The following STARD13 variants were observed in gnomAD, a reference collection of about 807,000 sequenced individuals.
STARD13 encodes the protein stAR-related lipid transfer protein 13.
STARD13 carries 62 observed loss-of-function variants against 106.4 expected under a neutral mutation model. The ratio of observed to expected loss-of-function variants is 0.58; its 90% CI spans 0.48 to 0.72. The LOEUF is 0.72. STARD13 is among the 30% of genes least tolerant of loss of function. STARD13 has a pLI of 0.00. For synonymous variants in STARD13, 565 were observed against 553.0 expected, an observed-to-expected ratio of 1.02 and a Z score of -0.31; for missense variants, 1,387 against 1,424.0, an observed-to-expected ratio of 0.97 and a Z score of 0.42.
chr13:33,371,288 C>G, the STARD13 span, among the ~76,000 whole-genome samples: 1 of 152,146 alleles, frequency 6.6e-6, no homozygotes, highest in Non-Finnish European at 1.5e-5. Flanking sequence ...TTCTGAAAAA[C>G]CACTGAGAAA....
chr13:33,353,591 C>T (rs2078099972), upstream of STARD13, among the ~76,000 whole-genome samples: 1 of 152,216 alleles, frequency 6.6e-6, no homozygotes, highest in South Asian at 2.1e-4. Flanking sequence ...TTCTGCCTCT[C>T]AGTAGTACCT....
chr13:33,640,253 C>T, the STARD13 span, among the ~76,000 whole-genome samples: 4 of 152,092 alleles, frequency 2.6e-5, no homozygotes, highest in Admixed American at 6.5e-5. Context: ...TGCAAGCTGC[C>T]CATATCTTTG....
chr13:33,132,789 G>A (rs17644137), intron 4 of STARD13, among the ~76,000 whole-genome samples: 1 of 152,148 alleles, frequency 6.6e-6, no homozygotes, highest in Admixed American at 6.5e-5. Flanking sequence ...TCTGATGAAA[G>A]AGTTTAGAAA....
At chr13:33,617,600 A>G in the STARD13 span, among the ~76,000 whole-genome samples, 2 of 152,182 alleles carry the variant, frequency 1.3e-5, no homozygotes, top group African/African-American at 4.8e-5. Flanking sequence ...CTTTAACCCA[A>G]CTGATTAGTA....
intron 1 of STARD13, among the ~76,000 whole-genome samples, chr13:33,247,107 G>T (rs1043989911): frequency 6.6e-6 from 1 of 152,114 alleles, no homozygotes; most frequent in Non-Finnish European, 1.5e-5. Context: ...TGAGGCAGGA[G>T]AATGGCTTGA....
At chr13:33,425,455 G>T in the STARD13 span, among the ~76,000 whole-genome samples, 1 of 152,112 alleles carries the variant, frequency 6.6e-6, no homozygotes, top group Non-Finnish European at 1.5e-5. Context: ...CTAAGCCAAT[G>T]GTTCTCAAGG....
chr13:33,160,981 G>C (rs1882554434), intron 3 of STARD13, among the ~76,000 whole-genome samples: 1 of 152,176 alleles, frequency 6.6e-6, no homozygotes, highest in Admixed American at 6.5e-5. Flanking sequence ...TGTTTAGAGT[G>C]GGTTTATAAT....
At chr13:33,634,372 A>G in the STARD13 span, among the ~76,000 whole-genome samples, 1 of 152,208 alleles carries the variant, frequency 6.6e-6, no homozygotes, top group African/African-American at 2.4e-5. Flanking sequence ...TGTTCAGTAA[A>G]TGCATAGAAT....
chr13:33,168,935 TAAATCCAAGGAAACAG>T (rs1437807214), intron 1 of STARD13, among the ~76,000 whole-genome samples: 4 of 152,226 alleles, frequency 2.6e-5, no homozygotes, highest in African/African-American at 9.6e-5. Flanking sequence ...ACTTTGTCAT[TAAATCCAAGGAAACAG>T]AGCCTGTGGT....
chr13:33,555,253 T>G, the STARD13 span, among the ~76,000 whole-genome samples: 1 of 152,258 alleles, frequency 6.6e-6, no homozygotes, highest in South Asian at 2.1e-4. Flanking sequence ...TCTCTTAGCC[T>G]AGCATCAAAT....
intron 1 of STARD13, among the ~76,000 whole-genome samples, chr13:33,200,760 G>T (rs886871208): frequency 1.3e-5 from 2 of 152,142 alleles, no homozygotes; most frequent in African/African-American, 4.8e-5. Context: ...GGTGGCTCAC[G>T]CCTGTAATCC....
the STARD13 span, among the ~76,000 whole-genome samples, chr13:33,580,346 C>G: frequency 1.3e-5 from 2 of 152,110 alleles, no homozygotes; most frequent in Admixed American, 1.3e-4. Context: ...GAAAAAGGCA[C>G]TCTTATGGAG....
At chr13:33,458,681 A>ATT in the STARD13 span, among the ~76,000 whole-genome samples, 9 of 151,998 alleles carry the variant, frequency 5.9e-5, no homozygotes, top group African/African-American at 1.9e-4. Context: ...CAAATTATAT[A>ATT]TTCTCTCTCT....
the STARD13 span, among the ~76,000 whole-genome samples, chr13:33,675,729 C>G: frequency 6.6e-6 from 1 of 152,018 alleles, no homozygotes; most frequent in African/African-American, 2.4e-5. Context: ...AACATGTGGA[C>G]AAAGATTTAA....
the STARD13 span, among the ~76,000 whole-genome samples, chr13:33,554,670 G>T: frequency 6.6e-6 from 1 of 152,080 alleles, no homozygotes; most frequent in Admixed American, 6.5e-5. Flanking sequence ...ATAAATGCAT[G>T]ATCTCATTTA....
chr13:33,473,738 C>T, the STARD13 span, among the ~76,000 whole-genome samples: 1 of 152,230 alleles, frequency 6.6e-6, no homozygotes, highest in Non-Finnish European at 1.5e-5. Flanking sequence ...CAGTCTCTCT[C>T]TGGCCCTGCC....
At chr13:33,285,768 G>A (rs1892031475), upstream of STARD13, 1 of 1,476,648 alleles carries the variant, frequency 6.8e-7, no homozygotes, top group African/African-American at 1.4e-5. Flanking sequence ...AAAGAAAGAG[G>A]AGTGCCAAAG....
At chr13:33,125,426 C>T (rs73461999) in intron 7 of STARD13, among the ~76,000 whole-genome samples, 2,600 of 152,024 alleles carry the variant, frequency 0.017, 87 homozygotes, top group African/African-American at 0.059. Context: ...ACAGGACGGA[C>T]AGCACTCTGG....
chr13:33,230,339 T>G (rs944451377), intron 1 of STARD13, among the ~76,000 whole-genome samples: 4 of 152,122 alleles, frequency 2.6e-5, no homozygotes, highest in African/African-American at 9.7e-5. Flanking sequence ...CATCCTACCT[T>G]GGTTAGAAAG....
Sources: allele counts gnomAD v4.1 joint callset (sites outside exome capture counted in the v4.1 genomes callset), GRCh38; gene constraint gnomAD v4.1.1; transcripts MANE v1.5; gene names NCBI Gene and HGNC (gene_info 2026-07-23, HGNC 2026-07-21).